Variants in RPP30 observed in about 807,000 individuals in gnomAD.
RPP30 encodes ribonuclease P protein subunit p30.
In RPP30, 36 loss-of-function variants were observed where a neutral mutation model predicts 38.6. The ratio of observed to expected loss-of-function variants is 0.93; its 90% CI spans 0.71 to 1.23. RPP30 has a LOEUF of 1.23. Among genes scored for constraint, RPP30 ranks in the 50% most tolerant of loss-of-function variants. The pLI, the probability that RPP30 is intolerant of heterozygous loss-of-function variation, is 0.00. For synonymous variants in RPP30, 126 were observed against 112.7 expected (o/e 1.12, Z -0.75); for missense variants, 321 against 321.7 (o/e 1.00, Z 0.02).
chr10:90,897,980 G>T (rs1255894090), intron 10 of RPP30, among the ~76,000 whole-genome samples: 2 of 152,024 alleles, frequency 1.3e-5, no homozygotes, highest in African/African-American at 4.8e-5. Flanking sequence ...CAATTAAATT[G>T]TATTGACTAT....
intron 1 of RPP30, among the ~76,000 whole-genome samples, chr10:90,873,891 C>T (rs1394100220): frequency 6.6e-6 from 1 of 152,104 alleles, no homozygotes; most frequent in African/African-American, 2.4e-5. Flanking sequence ...GTGCTATGTA[C>T]TTCCATAGAA....
chr10:90,905,594 G>T (rs1052526180), downstream of RPP30: 21 of 152,306 alleles, frequency 1.4e-4, no homozygotes, highest in African/African-American at 5.1e-4. Context: ...CTGCTTCCAG[G>T]AGACCTGACT....
chr10:90,907,910 G>A (rs184102248), downstream of RPP30, among the ~76,000 whole-genome samples: 13 of 152,268 alleles, frequency 8.5e-5, no homozygotes, highest in Admixed American at 5.9e-4. Flanking sequence ...CGGTTTTGTT[G>A]TGTGAACATC....
rs1208897692 is a variant in RPP30 at position 90,894,721 on chromosome 10, TGAA to T, written c.433-52_433-50del. Reference sequence around the variant, plus strand: ...GATGTGAAGAGAGAATCAGTGAAAATGAAGTAGGCCAGTGCATGCTTATCTCTG... The same window carrying T: ...GATGTGAAGAGAGAATCAGTGAAAATGTAGGCCAGTGCATGCTTATCTCTG... On this transcript the variant is annotated intron_variant, in intron 6 of 10. Transcript: ENST00000371703. 3.2e-6 allele frequency: 4 copies of T among 1,237,636 alleles called. No individual in the cohort carries two copies. The South Asian group carries it at 3.6e-5, about 11-fold the overall frequency. The allele number at this position is 1,237,636 out of a possible 1,614,324, so 76.7% of individuals were successfully genotyped here.
At chr10:90,898,997 T>TA (rs1169363215) in intron 10 of RPP30, among the ~76,000 whole-genome samples, 2 of 152,234 alleles carry the variant, frequency 1.3e-5, no homozygotes, top group African/African-American at 4.8e-5. Flanking sequence ...AAGGAAATAC[T>TA]ATATGTGAAA....
At chr10:90,876,157 G>T in intron 4 of RPP30, 59 bp downstream of exon 4, 1 of 1,077,192 alleles carries the variant, frequency 9.3e-7, no homozygotes. Flanking sequence ...GATTAATGTT[G>T]AACAATGTTG....
intron 5 of RPP30, chr10:90,879,909 A>T (rs1846900630): frequency 6.6e-6 from 1 of 152,214 alleles, no homozygotes; most frequent in Non-Finnish European, 1.5e-5. Flanking sequence ...TAAAGTGTCC[A>T]TCCGCCAAAA....
downstream of RPP30, among the ~76,000 whole-genome samples, chr10:90,906,818 C>G (rs1847258537): frequency 6.6e-6 from 1 of 152,110 alleles, no homozygotes; most frequent in African/African-American, 2.4e-5. Flanking sequence ...CTAGGACTCT[C>G]CATTGGCCAG....
chr10:90,901,364 T>G lies in RPP30; in HGVS notation c.*685T>G. 1 of 983,058 alleles carries G rather than the reference T, an allele frequency of 1.0e-6. No homozygotes were observed. Among genetic ancestry groups the G allele is most frequent in the Non-Finnish European group, 1.2e-6 (1 of 827,804 alleles). The allele number at this position is 983,058 out of a possible 1,614,324, so 60.9% of individuals were successfully genotyped here. On this transcript the variant is annotated 3_prime_UTR_variant, in exon 11 of 11. Coordinates refer to ENST00000371703, the MANE Select transcript of RPP30 (RefSeq NM_006413.5). The stretch of plus-strand genomic sequence containing the variant: ...GTAGTTATTTTGAAGATATTCAAAC[T>G]TATATTGAAGAAGTGACTTTAGTTC...
rs200596071 is a variant in RPP30, at chr10:90,897,782, ATT to A, written c.697+1398_697+1399del. Among the ~76,000 whole-genome samples, 175 of 151,386 alleles carry A rather than the reference ATT, an allele frequency of 1.2e-3. 1 individual carries two copies. The highest frequency in any genetic ancestry group is 4.1e-3 in the African/African-American group (170 of 41,324). On this transcript the variant is annotated intron_variant, in intron 10 of 10. Transcript: ENST00000371703. The stretch of plus-strand genomic sequence containing the variant: ...GCATATAACACATAATATGTAAAGT[ATT>A]TTTTTTTAGAATTTCTTTTTGTGGG...
chr10:90,901,311 T>A lies in RPP30; in HGVS notation c.*632T>A. 1 of 985,230 alleles carries A rather than the reference T, an allele frequency of 1.0e-6. No homozygotes were observed. Among genetic ancestry groups the A allele is most frequent in the Non-Finnish European group, 1.2e-6 (1 of 829,790 alleles). 61.0% of individuals were successfully genotyped at this position (985,230 alleles called of 1,614,324 possible). A position where few individuals can be genotyped will look rare whatever the true frequency, so the allele number is the denominator to read the frequency against. On this transcript the variant is annotated 3_prime_UTR_variant, in exon 11 of 11. Transcript: ENST00000371703. ...TGTTTGAATATTTTAAGAGCTTCTT[T>A]CGAAAGTTTCTTGTTCATACTCAAA...
chr10:90,901,676 A>G lies in RPP30; in HGVS notation c.*997A>G. On this transcript the variant is annotated 3_prime_UTR_variant, in exon 11 of 11. Coordinates refer to ENST00000371703, the MANE Select transcript of RPP30 (RefSeq NM_006413.5). ...TTTATAATGGGATCATGTTAAGTAGAAGTAGCTTTTTATGCAAATACATGC... is the reference window on the plus strand; with the variant it reads ...TTTATAATGGGATCATGTTAAGTAGGAGTAGCTTTTTATGCAAATACATGC... The G allele has an allele frequency of 1.0e-6, 1 of 985,072 alleles. No homozygotes were observed. The highest frequency in any genetic ancestry group is 1.2e-6 in the Non-Finnish European group (1 of 829,598). The allele number at this position is 985,072 out of a possible 1,614,324, so 61.0% of individuals were successfully genotyped here.
Position 90,902,114 on chromosome 10 carries a change from A to G in RPP30, c.*1435A>G. On this transcript the variant is annotated 3_prime_UTR_variant, in exon 11 of 11. Coordinates refer to ENST00000371703, the MANE Select transcript of RPP30 (RefSeq NM_006413.5). Reference sequence around the variant, plus strand: ...GCCCGGCCCGAGAAAATACAGTTTTAAAAAGAGAAAGCTTTATAACCTCAC... The same window carrying G: ...GCCCGGCCCGAGAAAATACAGTTTTGAAAAGAGAAAGCTTTATAACCTCAC... The G allele has an allele frequency of 2.0e-6, 2 of 989,926 alleles. No homozygotes were observed. Among genetic ancestry groups the G allele is most frequent in the Non-Finnish European group, 2.4e-6 (2 of 832,334 alleles). 61.3% of individuals were successfully genotyped at this position (989,926 alleles called of 1,614,324 possible).
intron 7 of RPP30, chr10:90,895,177 G>A (rs1847125630): frequency 3.8e-6 from 2 of 523,652 alleles, no homozygotes; most frequent in East Asian, 7.2e-5. Flanking sequence ...TCCTCACTGA[G>A]TTGAATTAAG....
At chr10:90,880,079 A>AG (rs1314393386) in intron 5 of RPP30, 3 of 142,342 alleles carry the variant, frequency 2.1e-5, no homozygotes, top group Non-Finnish European at 4.7e-5. Flanking sequence ...AAGGGGAAAG[A>AG]GTAGAACAAG....
intron 5 of RPP30, among the ~76,000 whole-genome samples, chr10:90,879,714 A>G (rs1269300944): frequency 6.6e-6 from 1 of 152,098 alleles, no homozygotes; most frequent in Non-Finnish European, 1.5e-5. Context: ...TAAAATTGCC[A>G]TTTCATTGCC....
In RPP30 at chr10:90,895,897, G is replaced by T; in HGVS notation, c.597G>T (p.Gly199=). The T allele has an allele frequency of 1.3e-6, 2 of 1,597,868 alleles. No individual in the cohort carries two copies. Among genetic ancestry groups the T allele is most frequent in the South Asian group, 2.3e-5 (2 of 87,310 alleles). The change falls in exon 9 of 11, where the codon GGG becomes GGT. Residue 199 remains glycine (G), a synonymous_variant. Transcript: ENST00000371703. ...TATTTCAGCCTTTAGAAATAAGAGG[G>T]CCATATGACGTGGCAAATCTGTATC... ...SAAERPLEIR[G]PYDVANLGLL... is the part of the protein sequence containing the mutation.
chr10:90,889,471 G>A (rs1431766160), intron 6 of RPP30, among the ~76,000 whole-genome samples: 1 of 151,660 alleles, frequency 6.6e-6, no homozygotes, highest in African/African-American at 2.4e-5. Flanking sequence ...CACCACAGCT[G>A]GCTAATTTTT....
At position 90,894,861 on chromosome 10, in the gene RPP30, C is replaced by G. The variant is rs775905164; in HGVS notation, c.519C>G (p.Ala173=). ...TGAGAAGGTATACAATTTCCAGTGC[C>G]CTCAATTTGATGCAAATCTGCAAAG... ...STMRRYTISS[A]LNLMQICKGK... Residue 173 remains alanine, a synonymous_variant, in exon 7 of 11, where the codon GCC becomes GCG. Coordinates refer to ENST00000371703, the MANE Select transcript of RPP30 (RefSeq NM_006413.5). 2 of 1,612,232 alleles carry G rather than the reference C, an allele frequency of 1.2e-6. No homozygotes were observed. The highest frequency in any genetic ancestry group is 1.1e-5 in the South Asian group (1 of 91,046).
Sources: gnomAD v4.1 joint callset for allele counts (sites outside exome capture counted in the v4.1 genomes callset) on GRCh38, gnomAD v4.1.1 for gene constraint, MANE v1.5 for transcripts, NCBI Gene and HGNC (gene_info 2026-07-23, HGNC 2026-07-21) for gene names.